The following USH1C variants were observed in gnomAD, a reference collection of about 807,000 sequenced individuals.
USH1C encodes USH1 protein network component harmonin.
Under a neutral mutation model 119.3 loss-of-function variants are expected in USH1C, and 90 were observed. That is an observed-to-expected ratio of 0.75 (90% CI 0.64 to 0.90). USH1C has a LOEUF of 0.90. Among genes scored for constraint, USH1C ranks in the 40% least tolerant of loss-of-function variants. The probability of loss-of-function intolerance (pLI) is 0.00; values close to 1 mark genes in which losing one functional copy is unlikely to be tolerated. For synonymous variants in USH1C, 465 were observed against 443.3 expected (o/e 1.05, Z -0.62); for missense variants, 1,165 against 1,167.7 (o/e 1.00, Z 0.03).
chr11:17,503,307 G>A (rs909835634), intron 20 of USH1C, among the ~76,000 whole-genome samples: 1 of 152,180 alleles, frequency 6.6e-6, no homozygotes, highest in Non-Finnish European at 1.5e-5. Context: ...GGAAGGCTGG[G>A]CAGTGCTGGC....
chr11:17,544,279 C>T lies in USH1C; in HGVS notation c.29G>A (p.Arg10Gln), dbSNP rs1457882210. 4.3e-6 allele frequency: 7 copies of T among 1,613,938 alleles called. No homozygotes were observed. The highest frequency in any genetic ancestry group is 5.9e-6 in the Non-Finnish European group (7 of 1,180,002). Residue 10 changes from arginine (R) to glutamine (Q), a missense_variant, in exon 1 of 27, where the codon CGG (arginine) becomes CAG (glutamine). Arg to Gln is a conservative substitution (Grantham distance 43). Transcript: ENST00000005226. The stretch of plus-strand genomic sequence containing the variant: ...GCGCCCTGCAGCTCTGACCTTATGC[C>T]GGAATTCTCGGGCCACTTTTCGGTC... MDRKVAREF[R>Q]HKVDFLIEND...
In USH1C at chr11:17,533,307, C is replaced by T; in HGVS notation, c.52G>A (p.Glu18Lys). 6.2e-6 allele frequency: 10 copies of T among 1,613,304 alleles called. No homozygotes were observed. The highest frequency in any genetic ancestry group is 7.6e-6 in the Non-Finnish European group (9 of 1,179,594). Residue 18 changes from glutamate to lysine, a missense_variant, in exon 2 of 27, where the codon GAA becomes AAA. Transcript: ENST00000005226. ...AGATAGTCCTTCTCTGCATCATTTT[C>T]AATCAGAAAATCCACCTGGAAAATC... ...EFRHKVDFLI[E>K]NDAEKDYLYD...
chr11:17,527,080 C>T (rs1489140475), intron 5 of USH1C, 40 bp from the exon 6 acceptor site: 1 of 1,457,098 alleles, frequency 6.9e-7, no homozygotes, highest in Non-Finnish European at 9.1e-7. Context: ...AGCTCCCCCG[C>T]CCTCCCTCCC....
intron 18 of USH1C, among the ~76,000 whole-genome samples, chr11:17,506,295 G>C (rs1849646482): frequency 6.6e-6 from 1 of 152,170 alleles, no homozygotes; most frequent in African/African-American, 2.4e-5. Flanking sequence ...TTGTCTTTAA[G>C]GGCTGTCTCT....
In USH1C at chr11:17,493,918, T is replaced by G; in HGVS notation, c.*414A>C. On this transcript the variant is annotated 3_prime_UTR_variant, in exon 27 of 27. Coordinates refer to ENST00000005226, the MANE Select transcript of USH1C (RefSeq NM_153676.4). The stretch of plus-strand genomic sequence containing the variant: ...TATAAGCTGGAAAATAAATCTATTT[T>G]ATTAATGAGCTCAGAGTAAGGTTTG... 4.9e-6 allele frequency: 1 copy of G among 204,628 alleles called. No homozygotes were observed. Among genetic ancestry groups the G allele is most frequent in the Non-Finnish European group, 9.7e-6 (1 of 103,586 alleles). 12.7% of individuals were successfully genotyped at this position (204,628 alleles called of 1,614,324 possible). A position where few individuals can be genotyped will look rare whatever the true frequency, so the allele number is the denominator to read the frequency against.
chr11:17,505,432 C>T (rs900586660), intron 19 of USH1C, among the ~76,000 whole-genome samples: 1 of 152,228 alleles, frequency 6.6e-6, no homozygotes, highest in Non-Finnish European at 1.5e-5. Flanking sequence ...GCCTGGGGAA[C>T]CTGGTGCCCC....
At chr11:17,527,094 C>CCCCCCCCCCGGGG in intron 5 of USH1C, 54 bp from the exon 6 acceptor site, 3 of 1,445,054 alleles carry the variant, frequency 2.1e-6, no homozygotes, top group South Asian at 2.5e-5. Flanking sequence ...CCCTCCCTCC[C>CCCCCCCCCCGGGG]ACCGTCATGG....
At chr11:17,506,092 T>C (rs1228449859) in intron 18 of USH1C, 143 bp from the exon 19 acceptor site, 7 of 1,237,904 alleles carry the variant, frequency 5.7e-6, no homozygotes, top group Admixed American at 3.9e-5. Flanking sequence ...GGTCCTGGGG[T>C]TGTGATCCTC....
rs1194363485 is a variant in USH1C at position 17,517,348 on chromosome 11, C to T, written c.1211-1058G>A. 2.1e-5 allele frequency: 32 copies of T among 1,535,236 alleles called. No individual in the cohort carries two copies. The East Asian group carries it at 2.7e-4, about 13-fold the overall frequency. ...TGTCTGCACTGCGGTCAGGAGGAGG[C>T]GGGCAGGGTAAAGCAGAGCAGCCAG... On this transcript the variant is annotated intron_variant, in intron 14 of 26. Coordinates refer to ENST00000005226, the MANE Select transcript of USH1C (RefSeq NM_153676.4).
intron 18 of USH1C, among the ~76,000 whole-genome samples, chr11:17,507,315 T>C (rs1381858133): frequency 1.3e-5 from 2 of 152,246 alleles, no homozygotes; most frequent in Non-Finnish European, 1.5e-5. Flanking sequence ...GTGACATTTA[T>C]AGTCCAGTTC....
At chr11:17,521,314 T>C (rs1215764088) in intron 13 of USH1C, 32 bp downstream of exon 13, 3 of 1,612,154 alleles carry the variant, frequency 1.9e-6, no homozygotes, top group Non-Finnish European at 2.5e-6. Flanking sequence ...CTGATGTTCA[T>C]GCACAGACAC....
chr11:17,522,164 G>C (rs1850443298), intron 12 of USH1C, among the ~76,000 whole-genome samples: 1 of 152,172 alleles, frequency 6.6e-6, no homozygotes, highest in Admixed American at 6.5e-5. Context: ...AAAGGTATTT[G>C]GATTTGGATC....
intron 1 of USH1C, among the ~76,000 whole-genome samples, chr11:17,541,445 C>T (rs1276252250): frequency 1.3e-5 from 2 of 152,206 alleles, no homozygotes; most frequent in South Asian, 4.1e-4. Context: ...TGATCTTATT[C>T]ATCCCAACCG....
At chr11:17,533,396 G>A in intron 1 of USH1C, 74 bp from the exon 2 acceptor site, 4 of 1,144,336 alleles carry the variant, frequency 3.5e-6, no homozygotes, top group Non-Finnish European at 5.3e-6. Context: ...GGGAGGAGAG[G>A]TCATCCCCAA....
At chr11:17,505,752 C>T in intron 19 of USH1C, 78 bp downstream of exon 19, 1 of 1,603,368 alleles carries the variant, frequency 6.2e-7, no homozygotes, top group Non-Finnish European at 8.5e-7. Context: ...ACTTGCCCTC[C>T]AGAGACAGCA....
chr11:17,494,665 G>A, intron 26 of USH1C: 1 of 492,464 alleles, frequency 2.0e-6, no homozygotes, highest in South Asian at 2.1e-5. Context: ...AGAAAACATA[G>A]GGCCATGCAG....
intron 24 of USH1C, 90 bp downstream of exon 24, chr11:17,498,072 T>A (rs2133771956): frequency 8.5e-7 from 1 of 1,179,980 alleles, no homozygotes; most frequent in East Asian, 2.3e-5. Flanking sequence ...CACCCTGGAA[T>A]GAGGCATCCT....
At chr11:17,532,893 G>A (rs1413813048) in intron 2 of USH1C, among the ~76,000 whole-genome samples, 2 of 152,154 alleles carry the variant, frequency 1.3e-5, no homozygotes, top group Admixed American at 1.3e-4. Flanking sequence ...AAAAGCAAGT[G>A]GGTGATCGGA....
intron 1 of USH1C, among the ~76,000 whole-genome samples, chr11:17,540,902 G>T (rs151101456): frequency 4.6e-5 from 7 of 152,214 alleles, no homozygotes; most frequent in Admixed American, 1.3e-4. Flanking sequence ...ACACTTACAA[G>T]AAAATCCTGA....
Sources: gnomAD v4.1 joint callset for allele counts (sites outside exome capture counted in the v4.1 genomes callset) on GRCh38, gnomAD v4.1.1 for gene constraint, MANE v1.5 for transcripts, NCBI Gene and HGNC (gene_info 2026-07-23, HGNC 2026-07-21) for gene names.